The following VRK2 variants were observed in gnomAD, a reference collection of about 807,000 sequenced individuals.
VRK2 encodes the protein VRK serine/threonine kinase 2, also known as serine/threonine-protein kinase VRK2.
In VRK2, 60 loss-of-function variants were observed where a neutral mutation model predicts 57.6. That is an observed-to-expected ratio of 1.04 (90% confidence interval 0.85 to 1.29). The LOEUF is 1.29. VRK2 is among the 50% of genes most tolerant of loss of function. The pLI, the probability that VRK2 is intolerant of heterozygous loss-of-function variation, is 0.00. For synonymous variants in VRK2, 231 were observed against 199.2 expected (o/e 1.16, Z -1.35); for missense variants, 705 against 588.1 (o/e 1.20, Z -2.06).
chr2:57,911,611 G>T (rs547897811), intron 1 of VRK2, among the ~76,000 whole-genome samples: 35 of 152,246 alleles, frequency 2.3e-4, no homozygotes, highest in South Asian at 4.1e-4. Context: ...ACTGGAAAGA[G>T]GGAAAATGAC....
At chr2:57,946,375 G>A (rs1042607449) in intron 1 of VRK2, among the ~76,000 whole-genome samples, 9 of 151,792 alleles carry the variant, frequency 5.9e-5, no homozygotes, top group African/African-American at 1.7e-4. Context: ...ACAAGCATTT[G>A]TAACAATTGC....
chr2:57,934,062 T>A (rs1670825949), intron 1 of VRK2, among the ~76,000 whole-genome samples: 1 of 152,216 alleles, frequency 6.6e-6, no homozygotes, highest in Non-Finnish European at 1.5e-5. Flanking sequence ...GTTTCTGATG[T>A]CATAATTTAC....
intron 3 of VRK2, chr2:58,041,077 G>A (rs1353736118): frequency 5.5e-5 from 54 of 984,742 alleles, no homozygotes; most frequent in Non-Finnish European, 6.1e-5. Flanking sequence ...AACTGGGGGG[G>A]AAAAAGGATG....
intron 9 of VRK2, among the ~76,000 whole-genome samples, chr2:58,133,081 C>G (rs1679448624): frequency 6.6e-6 from 1 of 151,912 alleles, no homozygotes. Flanking sequence ...AGTAATGATG[C>G]TATTTTAAAA....
chr2:58,069,008 C>T (rs895312931), intron 2 of VRK2, among the ~76,000 whole-genome samples: 3 of 151,974 alleles, frequency 2.0e-5, no homozygotes, highest in African/African-American at 7.2e-5. Flanking sequence ...ACATCCCTGT[C>T]ATTTTGTCAT....
At chr2:58,131,953 A>C in intron 9 of VRK2, 25 bp downstream of exon 9, 1 of 1,613,670 alleles carries the variant, frequency 6.2e-7, no homozygotes, top group Non-Finnish European at 8.5e-7. Context: ...GTATTTCATC[A>C]TGTACTGCAC....
intron 1 of VRK2, among the ~76,000 whole-genome samples, chr2:57,992,534 T>A (rs1481123490): frequency 6.6e-6 from 1 of 151,654 alleles, no homozygotes; most frequent in East Asian, 1.9e-4. Flanking sequence ...TCAGTGTTGT[T>A]TCTTTTTTTT....
intron 1 of VRK2, among the ~76,000 whole-genome samples, chr2:57,932,339 T>C (rs1392587423): frequency 1.3e-5 from 2 of 152,124 alleles, no homozygotes; most frequent in East Asian, 3.8e-4. Context: ...CTCTCATTTT[T>C]CCGGAGATTT....
At chr2:57,947,685 A>G (rs940979061) in intron 1 of VRK2, among the ~76,000 whole-genome samples, 2 of 152,162 alleles carry the variant, frequency 1.3e-5, no homozygotes, top group Non-Finnish European at 1.5e-5. Flanking sequence ...CAGGATGCAA[A>G]CATATCTATC....
At chr2:58,092,292 G>C (rs1672491177) in intron 7 of VRK2, among the ~76,000 whole-genome samples, 1 of 152,002 alleles carries the variant, frequency 6.6e-6, no homozygotes, top group Admixed American at 6.6e-5. Context: ...TACTGTTTTG[G>C]GTCTGTTTTC....
At chr2:57,989,755 G>T (rs1335001781) in intron 1 of VRK2, among the ~76,000 whole-genome samples, 1 of 152,090 alleles carries the variant, frequency 6.6e-6, no homozygotes, top group Non-Finnish European at 1.5e-5. Context: ...ATTCAAACTT[G>T]TAAATAGATT....
intron 7 of VRK2, among the ~76,000 whole-genome samples, chr2:58,119,564 G>C (rs946680378): frequency 1.3e-5 from 2 of 148,280 alleles, no homozygotes; most frequent in African/African-American, 4.9e-5. Context: ...AAATTAATTT[G>C]TCAACATTTT....
chr2:58,132,814 T>C (rs960653409), intron 9 of VRK2, among the ~76,000 whole-genome samples: 2 of 152,170 alleles, frequency 1.3e-5, no homozygotes, highest in African/African-American at 2.4e-5. Context: ...AAAATACATA[T>C]TACATTTGTA....
chr2:58,028,782 T>C (rs965379238), intron 2 of VRK2, among the ~76,000 whole-genome samples: 1 of 150,166 alleles, frequency 6.7e-6, no homozygotes, highest in African/African-American at 2.5e-5. Flanking sequence ...ATATACCTAA[T>C]GTAAATAATG....
intron 1 of VRK2, among the ~76,000 whole-genome samples, chr2:58,004,115 C>T (rs1206667063): frequency 6.6e-6 from 1 of 151,942 alleles, no homozygotes; most frequent in African/African-American, 2.4e-5. Context: ...TCTTTTCTTC[C>T]TGCTCATTCT....
At chr2:58,052,776 T>C (rs1410377952) in intron 2 of VRK2, among the ~76,000 whole-genome samples, 2 of 152,178 alleles carry the variant, frequency 1.3e-5, no homozygotes, top group African/African-American at 2.4e-5. Flanking sequence ...TTTTACTAAC[T>C]GATAAAAGCT....
intron 1 of VRK2, among the ~76,000 whole-genome samples, chr2:57,972,747 T>A (rs187050895): frequency 1.3e-3 from 197 of 152,042 alleles, no homozygotes; most frequent in African/African-American, 4.6e-3. Context: ...ATATTTATGT[T>A]CTTTATTTCT....
At chr2:57,929,141 G>A (rs1670637407) in intron 1 of VRK2, among the ~76,000 whole-genome samples, 1 of 152,178 alleles carries the variant, frequency 6.6e-6, no homozygotes, top group South Asian at 2.1e-4. Context: ...TTGCCTTTAG[G>A]GCAGTGCATT....
intron 1 of VRK2, among the ~76,000 whole-genome samples, chr2:57,931,967 C>T (rs539913609): frequency 6.6e-6 from 1 of 152,062 alleles, no homozygotes; most frequent in South Asian, 2.1e-4. Flanking sequence ...TATTCTGTTG[C>T]ATTGATCTAT....
Sources: allele counts gnomAD v4.1 joint callset (sites outside exome capture counted in the v4.1 genomes callset), GRCh38; gene constraint gnomAD v4.1.1; transcripts MANE v1.5; gene names NCBI Gene and HGNC (gene_info 2026-07-23, HGNC 2026-07-21).